Variants in TMEM117 observed in about 807,000 individuals in gnomAD.
TMEM117 encodes the protein transmembrane protein 117.
In TMEM117, 27 loss-of-function variants were observed where a neutral mutation model predicts 52.4. That is an observed-to-expected ratio of 0.51 (90% CI 0.38 to 0.71). The LOEUF (loss-of-function observed/expected upper bound fraction) is 0.71, where lower values mean the gene tolerates loss of function less well. Among genes scored for constraint, TMEM117 ranks in the 30% least tolerant of loss-of-function variants. The pLI, the probability that TMEM117 is intolerant of heterozygous loss-of-function variation, is 0.00. For missense variants in TMEM117, 556 were observed against 630.5 expected, an observed-to-expected ratio of 0.88 and a Z score of 1.26; for synonymous variants, 215 against 206.3, an observed-to-expected ratio of 1.04 and a Z score of -0.36.
At chr12:44,184,924 C>T (rs1260555197) in intron 4 of TMEM117, among the ~76,000 whole-genome samples, 3 of 152,150 alleles carry the variant, frequency 2.0e-5, no homozygotes, top group South Asian at 2.1e-4. Flanking sequence ...GCCAAGTACT[C>T]GTACCTTTTT....
chr12:43,864,504 A>G lies in TMEM117; in HGVS notation c.277+19576A>G, dbSNP rs538200032. On this transcript the variant is annotated intron_variant, in intron 2 of 7. Transcript: ENST00000266534. ...TAGCTCGGGGTTTGTGAATGCATCA[A>G]TCGGCACTCTGTATCTAGCTCAAGG... Among the ~76,000 whole-genome samples, 23 of 152,254 alleles carry G rather than the reference A, an allele frequency of 1.5e-4. No individual in the cohort carries two copies. In the East Asian group the frequency reaches 2.9e-3, roughly 19 times the overall value.
Position 44,180,980 on chromosome 12 carries a change from G to C in TMEM117, c.511-30310G>C, listed in dbSNP as rs530357303. Among the ~76,000 whole-genome samples, 23 of 152,230 alleles carry C rather than the reference G, an allele frequency of 1.5e-4. No homozygotes were observed. The East Asian group carries it at 4.2e-3, about 28-fold the overall frequency. ...TTACATTCCCACCAACAGTGTAAAA[G>C]TGTTCCTATTTCTCCACATCCTCTC... On this transcript the variant is annotated intron_variant, in intron 4 of 7. Transcript: ENST00000266534.
chr12:44,378,849 A>G (rs1246519959), intron 7 of TMEM117, among the ~76,000 whole-genome samples: 3 of 152,196 alleles, frequency 2.0e-5, no homozygotes, highest in Non-Finnish European at 4.4e-5. Context: ...AGTGATGTTG[A>G]TAATTGGGGA....
intron 5 of TMEM117, among the ~76,000 whole-genome samples, chr12:44,253,925 T>C (rs568229375): frequency 1.3e-5 from 2 of 149,386 alleles, no homozygotes; most frequent in South Asian, 4.2e-4. Context: ...AACATTTCTA[T>C]CCTCAGTAGA....
intron 5 of TMEM117, among the ~76,000 whole-genome samples, chr12:44,239,483 A>C (rs1950036192): frequency 6.6e-6 from 1 of 152,168 alleles, no homozygotes; most frequent in Non-Finnish European, 1.5e-5. Flanking sequence ...TTAGCAGCAC[A>C]GAAATTGTTA....
chr12:43,969,473 G>T (rs1248497703), intron 3 of TMEM117, among the ~76,000 whole-genome samples: 1 of 150,846 alleles, frequency 6.6e-6, no homozygotes, highest in East Asian at 1.9e-4. Flanking sequence ...AGTGAGCCAA[G>T]ATCGCACCAC....
intron 4 of TMEM117, among the ~76,000 whole-genome samples, chr12:44,162,990 G>T (rs1486535905): frequency 6.6e-6 from 1 of 152,198 alleles, no homozygotes; most frequent in East Asian, 1.9e-4. Context: ...CTAACAGGAA[G>T]ATCAGGCCTT....
chr12:44,282,276 G>A lies in TMEM117; in HGVS notation c.609-17304G>A, dbSNP rs144547385. Among the ~76,000 whole-genome samples, 904 of 152,192 alleles carry A rather than the reference G, an allele frequency of 5.9e-3. 11 individuals are homozygous for A. Among genetic ancestry groups the A allele is most frequent in the African/African-American group, 0.02 (815 of 41,506 alleles). The stretch of plus-strand genomic sequence containing the variant: ...TAAATTGGTACCATTAGAGTGGGAC[G>A]TTGCTGAAAAGATACCCAAAAATGT... On this transcript the variant is annotated intron_variant, in intron 5 of 7. Transcript: ENST00000266534.
chr12:43,996,268 G>A (rs910697068), intron 3 of TMEM117, among the ~76,000 whole-genome samples: 19 of 152,186 alleles, frequency 1.2e-4, no homozygotes, highest in Admixed American at 2.6e-4. Context: ...AGTTGAGATT[G>A]TTTCCTAGAT....
At chr12:43,937,945 G>C (rs982833508) in intron 2 of TMEM117, among the ~76,000 whole-genome samples, 1 of 152,098 alleles carries the variant, frequency 6.6e-6, no homozygotes, top group African/African-American at 2.4e-5. Context: ...CCGTGTAATA[G>C]AAATTTACAT....
At chr12:44,353,568 G>T (rs879779155) in intron 6 of TMEM117, among the ~76,000 whole-genome samples, 12 of 151,912 alleles carry the variant, frequency 7.9e-5, no homozygotes, top group South Asian at 4.1e-4. Context: ...TTTCCCCATT[G>T]CTTGTTTTTG....
chr12:43,948,952 T>G (rs1396466725), intron 3 of TMEM117, among the ~76,000 whole-genome samples: 1 of 152,138 alleles, frequency 6.6e-6, no homozygotes, highest in Non-Finnish European at 1.5e-5. Context: ...TTAACCCTTA[T>G]GTAGGGACCA....
At chr12:44,152,929 T>G (rs1424385468) in intron 4 of TMEM117, among the ~76,000 whole-genome samples, 1 of 149,374 alleles carries the variant, frequency 6.7e-6, no homozygotes, top group East Asian at 1.9e-4. Flanking sequence ...AGTATATATT[T>G]ATATATACTT....
chr12:44,387,966 G>C, intron 7 of TMEM117, 60 bp from the exon 8 acceptor site: 1 of 1,436,770 alleles, frequency 7.0e-7, no homozygotes, highest in Non-Finnish European at 9.4e-7. Flanking sequence ...TTTTATTGTA[G>C]AAAACCTTAT....
intron 5 of TMEM117, among the ~76,000 whole-genome samples, chr12:44,241,052 G>A (rs1004220079): frequency 7.9e-5 from 12 of 151,952 alleles, no homozygotes; most frequent in African/African-American, 2.7e-4. Context: ...GAATGATCAA[G>A]TCCCTTGTAT....
chr12:43,918,154 G>A (rs1301095560), intron 2 of TMEM117, among the ~76,000 whole-genome samples: 4 of 152,180 alleles, frequency 2.6e-5, no homozygotes, highest in Admixed American at 2.6e-4. Flanking sequence ...ACTGCCTGCA[G>A]AGTGCTGTGA....
At chr12:44,050,068 A>G (rs901536281) in intron 3 of TMEM117, among the ~76,000 whole-genome samples, 2 of 152,258 alleles carry the variant, frequency 1.3e-5, no homozygotes, top group Non-Finnish European at 2.9e-5. Context: ...ATGAAGGGAA[A>G]TGAGGTGGGG....
intron 6 of TMEM117, among the ~76,000 whole-genome samples, chr12:44,351,955 T>G (rs1951568328): frequency 6.6e-6 from 1 of 151,982 alleles, no homozygotes; most frequent in Non-Finnish European, 1.5e-5. Context: ...AAAAAAAAGC[T>G]GAAATTGCAT....
At chr12:43,912,164 G>A (rs1054831118) in intron 2 of TMEM117, among the ~76,000 whole-genome samples, 2 of 149,996 alleles carry the variant, frequency 1.3e-5, no homozygotes, top group East Asian at 3.9e-4. Flanking sequence ...ATACTATGCA[G>A]CCATAAAAAA....
Sources: gnomAD v4.1 joint callset for allele counts (sites outside exome capture counted in the v4.1 genomes callset) on GRCh38, gnomAD v4.1.1 for gene constraint, MANE v1.5 for transcripts, NCBI Gene and HGNC (gene_info 2026-07-23, HGNC 2026-07-21) for gene names.